AGO3: variants seen among roughly 807,000 people sequenced by gnomAD.
The protein encoded by AGO3 is argonaute RISC catalytic component 3, also known as protein argonaute-3.
Under a neutral mutation model 105.5 loss-of-function variants are expected in AGO3, and 16 were observed. That is an observed-to-expected ratio of 0.15 (90% CI 0.10 to 0.23). The LOEUF (loss-of-function observed/expected upper bound fraction) is 0.23. Among genes scored for constraint, AGO3 ranks in the 10% least tolerant of loss-of-function variants. The pLI, the probability that AGO3 is intolerant of heterozygous loss-of-function variation, is 1.00. For synonymous variants in AGO3, 340 were observed against 367.3 expected (o/e 0.93, Z 0.85); for missense variants, 534 against 1,088.0 (o/e 0.49, Z 7.16).
At chr1:36,023,642 G>A (rs1007246639) in intron 11 of AGO3, among the ~76,000 whole-genome samples, 1 of 152,320 alleles carries the variant, frequency 6.6e-6, no homozygotes, top group East Asian at 1.9e-4. Context: ...TCAGCAATTG[G>A]TACAAGAATA....
chr1:35,957,762 CA>C (rs746798237), intron 2 of AGO3, among the ~76,000 whole-genome samples: 1 of 151,914 alleles, frequency 6.6e-6, no homozygotes, highest in Admixed American at 6.6e-5. Flanking sequence ...TTTTATATTA[CA>C]AATTATTAAA....
At chr1:35,993,486 AC>A (rs1286729068) in intron 5 of AGO3, among the ~76,000 whole-genome samples, 4 of 152,152 alleles carry the variant, frequency 2.6e-5, no homozygotes, top group African/African-American at 9.7e-5. Context: ...AATGGTATGA[AC>A]AACTTTATGC....
intron 2 of AGO3, among the ~76,000 whole-genome samples, chr1:35,950,852 A>G (rs1646458464): frequency 6.6e-6 from 1 of 152,222 alleles, no homozygotes; most frequent in African/African-American, 2.4e-5. Context: ...GATACATGTT[A>G]AAAATTATGT....
At chr1:36,052,181 T>C (rs1300612791) in intron 17 of AGO3, among the ~76,000 whole-genome samples, 1 of 151,886 alleles carries the variant, frequency 6.6e-6, no homozygotes, top group Non-Finnish European at 1.5e-5. Flanking sequence ...CCTCAACAGA[T>C]GAATGAAGAA....
At chr1:35,947,872 C>T (rs1173514946) in intron 2 of AGO3, among the ~76,000 whole-genome samples, 1 of 152,070 alleles carries the variant, frequency 6.6e-6, no homozygotes, top group Non-Finnish European at 1.5e-5. Flanking sequence ...GAAGGATAAT[C>T]CTGACCCTTC....
intron 5 of AGO3, among the ~76,000 whole-genome samples, chr1:35,994,591 C>A (rs201662302): frequency 1.4e-5 from 2 of 139,660 alleles, no homozygotes; most frequent in East Asian, 5.2e-4. Context: ...AAATAAAACT[C>A]TGTTTGTAGA....
intron 17 of AGO3, among the ~76,000 whole-genome samples, chr1:36,053,871 C>T (rs941419546): frequency 2.0e-5 from 3 of 151,574 alleles, no homozygotes; most frequent in African/African-American, 7.3e-5. Context: ...GCCTCAGCCT[C>T]CTGAGTAGCT....
intron 5 of AGO3, among the ~76,000 whole-genome samples, chr1:35,974,506 A>C (rs375466594): frequency 1.2e-4 from 18 of 152,326 alleles, no homozygotes; most frequent in African/African-American, 4.3e-4. Context: ...AAGTTAGCTT[A>C]GAAGTTTCAT....
At chr1:36,032,865 C>T (rs966813961) in intron 12 of AGO3, among the ~76,000 whole-genome samples, 2 of 152,158 alleles carry the variant, frequency 1.3e-5, no homozygotes, top group African/African-American at 2.4e-5. Context: ...TGGCTCATGC[C>T]TGTAATCCCA....
Position 36,055,956 on chromosome 1 carries a change from A to G in AGO3, c.*211A>G. On this transcript the variant is annotated 3_prime_UTR_variant, in exon 19 of 19. Coordinates refer to ENST00000373191, the MANE Select transcript of AGO3 (RefSeq NM_024852.4). The surrounding 1 kb of genome is among the most constrained non-coding windows in gnomAD (Gnocchi z 4.4). ...TCATTATGCAATATGAAACCAGCCA[A>G]CTGCTTTTTGTGCGGTCTCCTATAG... 1 of 485,210 alleles carries G rather than the reference A, an allele frequency of 2.1e-6. No homozygotes were observed. The highest frequency in any genetic ancestry group is 3.7e-6 in the Non-Finnish European group (1 of 273,360). The allele number at this position is 485,210 out of a possible 1,614,324, so 30.1% of individuals were successfully genotyped here.
chr1:36,040,168 C>A (rs1050032215), intron 15 of AGO3, 139 bp from the exon 16 acceptor site: 74 of 1,176,798 alleles, frequency 6.3e-5, no homozygotes, highest in Non-Finnish European at 8.4e-5. Context: ...AGACCATGTT[C>A]TAATAATCGT....
chr1:35,949,917 C>T (rs193201163), intron 2 of AGO3, among the ~76,000 whole-genome samples: 8 of 151,312 alleles, frequency 5.3e-5, no homozygotes, highest in Non-Finnish European at 5.9e-5. Flanking sequence ...AGCCTTATTT[C>T]GTTTCTTATT....
intron 17 of AGO3, among the ~76,000 whole-genome samples, chr1:36,051,458 G>A (rs1642711922): frequency 6.6e-6 from 1 of 152,186 alleles, no homozygotes; most frequent in Non-Finnish European, 1.5e-5. Flanking sequence ...CATGGTACAT[G>A]CCTGTAATCC....
At chr1:35,948,886 G>A (rs957405734) in intron 2 of AGO3, among the ~76,000 whole-genome samples, 1 of 151,620 alleles carries the variant, frequency 6.6e-6, no homozygotes, top group Admixed American at 6.6e-5. Context: ...TTTTTGTGAT[G>A]TAAAATTTTA....
At chr1:35,980,598 C>G (rs970616325) in intron 5 of AGO3, among the ~76,000 whole-genome samples, 9 of 152,172 alleles carry the variant, frequency 5.9e-5, no homozygotes, top group African/African-American at 1.9e-4. Flanking sequence ...TCCTGAAGGA[C>G]TGTTTGGCTA....
intron 9 of AGO3, among the ~76,000 whole-genome samples, chr1:36,009,860 T>C (rs1640508256): frequency 6.6e-6 from 1 of 150,950 alleles, no homozygotes; most frequent in African/African-American, 2.4e-5. Flanking sequence ...TTTAGTAAAC[T>C]GGAACCTCCA....
chr1:36,034,483 AT>A, intron 13 of AGO3, 150 bp downstream of exon 13: 1 of 530,980 alleles, frequency 1.9e-6, no homozygotes. Flanking sequence ...TAAAAAAATA[AT>A]TTGGATTGGC....
At chr1:35,974,268 C>T (rs1006692233) in intron 5 of AGO3, among the ~76,000 whole-genome samples, 1 of 151,120 alleles carries the variant, frequency 6.6e-6, no homozygotes, top group Admixed American at 6.6e-5. Context: ...TTCTTGTTAG[C>T]TGGTTCTAAT....
At chr1:35,944,063 A>C (rs935950919) in intron 1 of AGO3, among the ~76,000 whole-genome samples, 1 of 152,092 alleles carries the variant, frequency 6.6e-6, no homozygotes, top group Non-Finnish European at 1.5e-5. Flanking sequence ...ATAACTCTTC[A>C]ATCAGTTCTT....
Sources: gnomAD v4.1 joint callset for allele counts (sites outside exome capture counted in the v4.1 genomes callset) on GRCh38, gnomAD v4.1.1 for gene constraint, Gnocchi (gnomAD v3.1) non-coding constraint, MANE v1.5 for transcripts, NCBI Gene and HGNC (gene_info 2026-07-23, HGNC 2026-07-21) for gene names.